MAP2K5: variants seen among roughly 807,000 people sequenced by gnomAD.
The protein encoded by MAP2K5 is mitogen-activated protein kinase kinase 5.
A neutral mutation model predicts 83.1 loss-of-function variants in MAP2K5; 49 were observed. That is an observed-to-expected ratio of 0.59 (90% CI 0.47 to 0.75). The LOEUF is 0.75. Among genes scored for constraint, MAP2K5 ranks in the 30% least tolerant of loss-of-function variants. The pLI, the probability that MAP2K5 is intolerant of heterozygous loss-of-function variation, is 0.00. For missense variants in MAP2K5, 457 were observed against 557.5 expected, an observed-to-expected ratio of 0.82 and a Z score of 1.82; for synonymous variants, 202 against 191.8, an observed-to-expected ratio of 1.05 and a Z score of -0.44.
chr15:67,611,096 C>T (rs138248552), intron 8 of MAP2K5, among the ~76,000 whole-genome samples: 93 of 152,202 alleles, frequency 6.1e-4, no homozygotes, highest in Admixed American at 3.9e-3. Context: ...TCTATTACGA[C>T]GGTTAACTGT....
At chr15:67,730,474 T>G (rs1596871252) in intron 17 of MAP2K5, among the ~76,000 whole-genome samples, 1 of 152,194 alleles carries the variant, frequency 6.6e-6, no homozygotes, top group East Asian at 1.9e-4. Context: ...CTCTTAGAGT[T>G]GGAAGGGATC....
chr15:67,544,397 A>C (rs1389480342), intron 1 of MAP2K5, among the ~76,000 whole-genome samples: 1 of 152,242 alleles, frequency 6.6e-6, no homozygotes, highest in Non-Finnish European at 1.5e-5. Flanking sequence ...GGAATTTTAG[A>C]GCAGAGTGTA....
chr15:67,713,416 T>A (rs1040399733), intron 16 of MAP2K5, among the ~76,000 whole-genome samples: 11 of 152,194 alleles, frequency 7.2e-5, no homozygotes, highest in Non-Finnish European at 1.6e-4. Context: ...CATGTAGAGC[T>A]GTGTAAATGT....
intron 7 of MAP2K5, among the ~76,000 whole-genome samples, chr15:67,599,177 T>G (rs534408646): frequency 3.3e-5 from 5 of 152,358 alleles, no homozygotes; most frequent in African/African-American, 1.2e-4. Flanking sequence ...TTTATACAGC[T>G]TAAAATATTT....
rs2087348202 is a variant in MAP2K5 at position 67,665,243 on chromosome 15, CAGAA to C, written c.847+599_847+602del. On this transcript the variant is annotated intron_variant, in intron 13 of 21. Coordinates refer to ENST00000178640, the MANE Select transcript of MAP2K5 (RefSeq NM_145160.3). This position sits in a 1 kb window ranked among gnomAD's most constrained non-coding sequence, Gnocchi z 4.2. ...CAGGAATAGTCCCCTTGTCTAGTAA[CAGAA>C]CACATGAGAGAATAATCAGATGAGT... Among the ~76,000 whole-genome samples the C allele has an allele frequency of 6.6e-6, 1 of 151,976 alleles. No individual in the cohort carries two copies. The highest frequency in any genetic ancestry group is 2.4e-5 in the African/African-American group (1 of 41,354).
chr15:67,642,291 C>G (rs2086729934), intron 9 of MAP2K5: 1 of 549,050 alleles, frequency 1.8e-6, no homozygotes, highest in Non-Finnish European at 3.1e-6. Context: ...TCCTACATCA[C>G]TTACTAGGCA....
Position 67,770,076 on chromosome 15 carries a change from C to G in MAP2K5, c.1196+413C>G, listed in dbSNP as rs1342468285. ...GTGGAAGCAGCATAGTTTATTAATT[C>G]ATCGGATTTTCAGTAAATAACTTTT... is the stretch of plus-strand genomic sequence containing the variant. On this transcript the variant is annotated intron_variant, in intron 20 of 21. Coordinates refer to ENST00000178640, the MANE Select transcript of MAP2K5 (RefSeq NM_145160.3). This position sits in a 1 kb window ranked among gnomAD's most constrained non-coding sequence, Gnocchi z 5.0. 1 of 157,308 alleles carries G rather than the reference C, an allele frequency of 6.4e-6. No homozygotes were observed. The highest frequency in any genetic ancestry group is 1.4e-5 in the Non-Finnish European group (1 of 71,642). The allele number at this position is 157,308 out of a possible 1,614,324, so 9.7% of individuals were successfully genotyped here.
Position 67,600,669 on chromosome 15 carries a change from TTTC to T in MAP2K5, c.481-13_481-11del, listed in dbSNP as rs2085638777. On this transcript the variant is annotated splice_polypyrimidine_tract_variant and intron_variant, in intron 7 of 21. Coordinates refer to ENST00000178640, the MANE Select transcript of MAP2K5 (RefSeq NM_145160.3). Reference sequence around the variant, plus strand: ...CAGCATGACACCCTTTTTGTTTTTCTTTCTTTCTTGTGGAGATGAATGAACAAG... The same window carrying T: ...CAGCATGACACCCTTTTTGTTTTTCTTTTCTTGTGGAGATGAATGAACAAG... The T allele has an allele frequency of 1.2e-6, 2 of 1,605,870 alleles. No individual in the cohort carries two copies. The highest frequency in any genetic ancestry group is 1.7e-6 in the Non-Finnish European group (2 of 1,176,788).
chr15:67,619,762 AC>A (rs34506376), intron 8 of MAP2K5, among the ~76,000 whole-genome samples: 125,930 of 151,692 alleles, frequency 0.83, 53,181 homozygotes, highest in Middle Eastern at 0.93. Flanking sequence ...ACCTTGTTCT[AC>A]AAAAAATAAA....
chr15:67,658,072 A>G (rs1225626975), intron 11 of MAP2K5, among the ~76,000 whole-genome samples: 1 of 152,080 alleles, frequency 6.6e-6, no homozygotes, highest in Non-Finnish European at 1.5e-5. Context: ...GTTATTACAT[A>G]TTGTTAAAAT....
Position 67,563,452 on chromosome 15 carries a change from A to G in MAP2K5, c.252+102A>G. On this transcript the variant is annotated intron_variant, in intron 3 of 21. Coordinates refer to ENST00000178640, the MANE Select transcript of MAP2K5 (RefSeq NM_145160.3). The surrounding 1 kb of genome is among the most constrained non-coding windows in gnomAD (Gnocchi z 4.5). The stretch of plus-strand genomic sequence containing the variant: ...GACGAGTAAATAAATCACAGTTGTC[A>G]TACATTTTTCTATATAATAGGTAAA... The G allele has an allele frequency of 9.8e-6, 14 of 1,431,438 alleles. No homozygotes were observed. Among genetic ancestry groups the G allele is most frequent in the Non-Finnish European group, 1.0e-5 (11 of 1,073,100 alleles). The allele number at this position is 1,431,438 out of a possible 1,614,324, so 88.7% of individuals were successfully genotyped here. A position where few individuals can be genotyped will look rare whatever the true frequency, so the allele number is the denominator to read the frequency against.
At chr15:67,688,006 T>C (rs1048540044) in intron 13 of MAP2K5, among the ~76,000 whole-genome samples, 2 of 152,204 alleles carry the variant, frequency 1.3e-5, no homozygotes, top group African/African-American at 4.8e-5. Context: ...GTATTGCTAC[T>C]GCATACTACG....
At chr15:67,600,157 TTTG>T (rs2141025289) in intron 7 of MAP2K5, among the ~76,000 whole-genome samples, 1 of 152,342 alleles carries the variant, frequency 6.6e-6, no homozygotes, top group East Asian at 1.9e-4. Flanking sequence ...TGTATACTAG[TTTG>T]TTATTTGCAA....
chr15:67,666,692 T>C (rs2087389072), intron 13 of MAP2K5, among the ~76,000 whole-genome samples: 1 of 152,194 alleles, frequency 6.6e-6, no homozygotes, highest in Non-Finnish European at 1.5e-5. Flanking sequence ...ATCCTGGGCC[T>C]GTACTTACTT....
intron 13 of MAP2K5, among the ~76,000 whole-genome samples, chr15:67,687,810 C>T (rs1272489872): frequency 2.6e-5 from 4 of 151,876 alleles, no homozygotes; most frequent in African/African-American, 9.7e-5. Flanking sequence ...CTGTATGTAC[C>T]AGACACCATT....
rs371430781 is a variant in MAP2K5, at chr15:67,725,664, G to A, written c.1045-2252G>A. On this transcript the variant is annotated intron_variant, in intron 16 of 21. Transcript: ENST00000178640. ...GTTATTAAGCTATTAGCTTTTTTAGGTGTGAGACTCTCCTCTTGCTGGTTT... is the reference window on the plus strand; with the variant it reads ...GTTATTAAGCTATTAGCTTTTTTAGATGTGAGACTCTCCTCTTGCTGGTTT... Among the ~76,000 whole-genome samples, 178 of 152,250 alleles carry A rather than the reference G, an allele frequency of 1.2e-3. 1 individual carries two copies. The highest frequency in any genetic ancestry group is 4.1e-3 in the African/African-American group (169 of 41,536).
intron 4 of MAP2K5, among the ~76,000 whole-genome samples, chr15:67,583,717 G>A (rs934722753): frequency 6.6e-6 from 1 of 150,436 alleles, no homozygotes; most frequent in African/African-American, 2.5e-5. Flanking sequence ...TGAACAAGTA[G>A]GAAGGATAGG....
chr15:67,666,214 C>G (rs1376220820), intron 13 of MAP2K5, among the ~76,000 whole-genome samples: 1 of 152,166 alleles, frequency 6.6e-6, no homozygotes, highest in Non-Finnish European at 1.5e-5. Context: ...TGAAATCCCT[C>G]TCTAGCTATA....
At chr15:67,675,776 G>A (rs2087664736) in intron 13 of MAP2K5, among the ~76,000 whole-genome samples, 2 of 152,120 alleles carry the variant, frequency 1.3e-5, no homozygotes. Flanking sequence ...AGGTTGTCCT[G>A]GACTTAGTTT....
Sources: gnomAD v4.1 joint callset for allele counts (sites outside exome capture counted in the v4.1 genomes callset) on GRCh38, gnomAD v4.1.1 for gene constraint, Gnocchi (gnomAD v3.1) non-coding constraint, MANE v1.5 for transcripts, NCBI Gene and HGNC (gene_info 2026-07-23, HGNC 2026-07-21) for gene names.